MPPE1: variants seen among roughly 807,000 people sequenced by gnomAD.
The protein encoded by MPPE1 is metallophosphoesterase 1.
MPPE1 carries 28 observed loss-of-function variants against 43.8 expected under a neutral mutation model. The ratio of observed to expected loss-of-function variants is 0.64; its 90% CI spans 0.47 to 0.88. The LOEUF (loss-of-function observed/expected upper bound fraction) is 0.88, where lower values mean the gene tolerates loss of function less well. Ranked by LOEUF, MPPE1 falls within the 40% of genes least tolerant of loss-of-function variation. The probability of loss-of-function intolerance (pLI) is 0.00; values close to 1 mark genes in which losing one functional copy is unlikely to be tolerated. For synonymous variants in MPPE1, 159 were observed against 188.5 expected, an observed-to-expected ratio of 0.84 and a Z score of 1.28; for missense variants, 428 against 492.2, an observed-to-expected ratio of 0.87 and a Z score of 1.23.
chr18:11,893,626 G>A, intron 3 of MPPE1, 50 bp from the exon 4 acceptor site: 1 of 1,444,090 alleles, frequency 6.9e-7, no homozygotes, highest in Non-Finnish European at 9.7e-7. Flanking sequence ...CCTAGGTGGA[G>A]GCTACTTCTG....
intron 2 of MPPE1, among the ~76,000 whole-genome samples, chr18:11,900,369 G>A (rs1406417051): frequency 1.3e-5 from 2 of 151,930 alleles, no homozygotes; most frequent in Non-Finnish European, 2.9e-5. Flanking sequence ...AGCTGGGCGT[G>A]GTGGTGGGCG....
At chr18:11,895,738 G>GT (rs1164265887) in intron 3 of MPPE1, among the ~76,000 whole-genome samples, 3 of 151,994 alleles carry the variant, frequency 2.0e-5, no homozygotes, top group South Asian at 2.1e-4. Context: ...TTTGTTTATT[G>GT]TTTTTTTGTA....
Position 11,889,957 on chromosome 18 carries a change from T to TC in MPPE1, c.391-468_391-467insG, listed in dbSNP as rs549561653. On this transcript the variant is annotated intron_variant, in intron 4 of 10. Coordinates refer to ENST00000588072, the MANE Select transcript of MPPE1 (RefSeq NM_023075.6). ...AAAGATGATGTAGAACTTTTTTTTT[T>TC]TTTGAGATGGAGTCTCGCTCTGTTG... Among the ~76,000 whole-genome samples, 444 of 151,828 alleles carry TC rather than the reference T, an allele frequency of 2.9e-3. 1 individual carries two copies. The highest frequency in any genetic ancestry group is 0.01 in the African/African-American group (418 of 41,350).
At chr18:11,900,669 A>C (rs1446360662) in intron 2 of MPPE1, among the ~76,000 whole-genome samples, 1 of 152,128 alleles carries the variant, frequency 6.6e-6, no homozygotes, top group Non-Finnish European at 1.5e-5. Context: ...GCACTTTGGG[A>C]GGCCAAGGTG....
At chr18:11,898,057 T>A (rs2038774359) in intron 2 of MPPE1, among the ~76,000 whole-genome samples, 2 of 137,370 alleles carry the variant, frequency 1.5e-5, no homozygotes, top group South Asian at 4.6e-4. Flanking sequence ...GGTTTTTGTT[T>A]GTTTGTTTTG....
chr18:11,888,617 A>G, intron 6 of MPPE1, 52 bp downstream of exon 6: 1 of 1,151,812 alleles, frequency 8.7e-7, no homozygotes, highest in Non-Finnish European at 1.3e-6. Flanking sequence ...CCTTTAAAAA[A>G]TGAAGTTTCC....
At position 11,885,726 on chromosome 18, in the gene MPPE1, T is replaced by C. The variant is rs745621767; in HGVS notation, c.958A>G (p.Ser320Gly). 3.7e-6 allele frequency: 6 copies of C among 1,614,048 alleles called. No individual in the cohort carries two copies. Among genetic ancestry groups the C allele is most frequent in the Non-Finnish European group, 5.1e-6 (6 of 1,179,896 alleles). ...TTCCTCCAACTGAAAGATGGGACGC[T>C]GAGCTCGGGGACTCGGCCCCCGTGG... The part of the protein sequence containing the change: ...VHHGGRVPEL[S>G]VPSFSWRNRN... The change falls in exon 10 of 11, where the codon AGC becomes GGC. Residue 320 changes from serine to glycine, a missense_variant. By Grantham distance (56) the Ser-to-Gly change is moderately conservative. This residue lies in a region of MPPE1 where 379 missense variants were observed against 402.5 expected (regional missense o/e 0.94). Transcript: ENST00000588072.
intron 2 of MPPE1, among the ~76,000 whole-genome samples, chr18:11,904,400 C>T (rs556332304): frequency 4.0e-4 from 61 of 152,114 alleles, no homozygotes; most frequent in Middle Eastern, 3.4e-3. Context: ...GTGCAACCTC[C>T]GCCTCCTGGA....
chr18:11,883,037 A>G lies in MPPE1; in HGVS notation c.*1408T>C, dbSNP rs2036748506. The G allele has an allele frequency of 7.5e-6, 1 of 133,616 alleles. No homozygotes were observed. The highest frequency in any genetic ancestry group is 1.8e-5 in the Non-Finnish European group (1 of 56,748). The allele number at this position is 133,616 out of a possible 1,614,324, so 8.3% of individuals were successfully genotyped here. A position where few individuals can be genotyped will look rare whatever the true frequency, so the allele number is the denominator to read the frequency against. ...CAAATCTAGAGAAGTGACAGCCTAC[A>G]TTACTTCATTATTACTCTTCTTTTA... is the stretch of plus-strand genomic sequence containing the variant. On this transcript the variant is annotated 3_prime_UTR_variant, in exon 11 of 11. Coordinates refer to ENST00000588072, the MANE Select transcript of MPPE1 (RefSeq NM_023075.6).
intron 5 of MPPE1, 82 bp from the exon 6 acceptor site, chr18:11,888,825 T>C (rs2037638536): frequency 1.4e-6 from 1 of 711,422 alleles, no homozygotes; most frequent in African/African-American, 1.9e-5. Flanking sequence ...ACAAAATAAC[T>C]TTCAACACTT....
Position 11,886,724 on chromosome 18 carries a change from CAG to C in MPPE1, c.731_732del (p.Pro244ArgfsTer13), listed in dbSNP as rs780765898. On this transcript the variant is annotated frameshift_variant, in exon 8 of 11. Coordinates refer to ENST00000588072, the MANE Select transcript of MPPE1 (RefSeq NM_023075.6). LOFTEE classifies it high-confidence loss of function. The surrounding 1 kb of genome is among the most constrained non-coding windows in gnomAD (Gnocchi z 4.1). ...GPGPLLPTSA[P>X]VLLQHYPLYR... is the part of the protein sequence containing the mutation. ...CTCCCCCAGCTCACCTGCAGGAGGA[CAG>C]GGGCAGACGTGGGCAGCAGAGGCCC... 1.9e-6 allele frequency: 3 copies of C among 1,613,474 alleles called. No individual in the cohort carries two copies. The highest frequency in any genetic ancestry group is 2.2e-5 in the East Asian group (1 of 44,896).
intron 4 of MPPE1, 183 bp downstream of exon 4, chr18:11,893,285 A>G: frequency 1.8e-6 from 1 of 556,680 alleles, no homozygotes; most frequent in South Asian, 2.4e-5. Flanking sequence ...GAGTTGTTCT[A>G]ATAATCTTAG....
At position 11,889,092 on chromosome 18, in the gene MPPE1, G is replaced by A. The variant is rs116674769; in HGVS notation, c.494+295C>T. Among the ~76,000 whole-genome samples the A allele has an allele frequency of 7.0e-3, 1,067 of 152,316 alleles. 14 individuals carry two copies. The highest frequency in any genetic ancestry group is 0.022 in the African/African-American group (903 of 41,572). On this transcript the variant is annotated intron_variant, in intron 5 of 10. Transcript: ENST00000588072. ...CACTATATAAATGTTAGCTATTAAAGTCTAAATGATCTTGGTTTTTCGTTC... is the reference window on the plus strand; with the variant it reads ...CACTATATAAATGTTAGCTATTAAAATCTAAATGATCTTGGTTTTTCGTTC...
intron 4 of MPPE1, among the ~76,000 whole-genome samples, chr18:11,890,193 C>T (rs1021751822): frequency 1.3e-5 from 2 of 152,178 alleles, no homozygotes; most frequent in Admixed American, 6.5e-5. Flanking sequence ...CCGCCCGCCT[C>T]GGCCTCCCAA....
chr18:11,884,917 A>G, intron 10 of MPPE1: 1 of 1,290,014 alleles, frequency 7.8e-7, no homozygotes, highest in Non-Finnish European at 1.0e-6. Context: ...GTTCCCATCA[A>G]ATATAGTGGG....
At chr18:11,900,657 C>T (rs1391186327) in intron 2 of MPPE1, among the ~76,000 whole-genome samples, 3 of 152,034 alleles carry the variant, frequency 2.0e-5, no homozygotes, top group Non-Finnish European at 4.4e-5. Flanking sequence ...CCTGTAATCC[C>T]AGCACTTTGG....
intron 4 of MPPE1, among the ~76,000 whole-genome samples, chr18:11,892,587 C>A (rs765470216): frequency 6.6e-6 from 1 of 151,324 alleles, no homozygotes; most frequent in African/African-American, 2.4e-5. Flanking sequence ...GCAGGACAAT[C>A]GCTTGAACCT....
chr18:11,885,550 TAGA>T (rs1392105857), intron 10 of MPPE1, 123 bp downstream of exon 10: 1 of 1,165,668 alleles, frequency 8.6e-7, no homozygotes, highest in South Asian at 1.5e-5. Flanking sequence ...GAGCTACGTG[TAGA>T]AGGAGAGAAA....
At position 11,886,510 on chromosome 18, in the gene MPPE1, C is replaced by A. The variant is rs574654136; in HGVS notation, c.856G>T (p.Ala286Ser). ...ACACCCTGGCAAACCTTTTGTGATG[C>A]CTCCCGTGAAAGCACGTCATAGTTC... The part of the protein sequence containing the change: ...KENYDVLSRE[A>S]SQKLLWWLQP... The change falls in exon 9 of 11, where the codon GCA becomes TCA. Residue 286 changes from alanine (A) to serine (S), a missense_variant. By Grantham distance (99) the Ala-to-Ser change is moderately conservative. Around this residue, in one of 3 missense-constraint regions of MPPE1, gnomAD observed 379 missense variants for 402.5 expected, o/e 0.94. Transcript: ENST00000588072. This position sits in a 1 kb window ranked among gnomAD's most constrained non-coding sequence, Gnocchi z 4.1. 1.9e-6 allele frequency: 3 copies of A among 1,614,170 alleles called. No individual in the cohort carries two copies. In the South Asian group the frequency reaches 3.3e-5, roughly 18 times the overall value.
Sources: allele counts gnomAD v4.1 joint callset (sites outside exome capture counted in the v4.1 genomes callset), GRCh38; gene constraint gnomAD v4.1.1; regional missense constraint gnomAD v4.1.1; non-coding constraint Gnocchi (gnomAD v3.1); transcripts MANE v1.5; gene names NCBI Gene and HGNC (gene_info 2026-07-23, HGNC 2026-07-21).